Variants in WDR43 observed in about 807,000 individuals in gnomAD.
WDR43 encodes the protein WD repeat-containing protein 43.
In WDR43, 13 loss-of-function variants were observed where a neutral mutation model predicts 91.4. That is an observed-to-expected ratio of 0.14 (90% CI 0.09 to 0.23). The LOEUF (loss-of-function observed/expected upper bound fraction) is 0.23. Among genes scored for constraint, WDR43 ranks in the 10% least tolerant of loss-of-function variants. The pLI is 1.00. For synonymous variants in WDR43, 331 were observed against 287.9 expected (o/e 1.15, Z -1.51); for missense variants, 780 against 809.4 (o/e 0.96, Z 0.44).
Position 28,935,504 on chromosome 2 carries a change from C to T in WDR43, c.1438-17C>T, listed in dbSNP as rs772287883. ...TGTCAGTATGCTCATCTTAATAATC[C>T]TTTTATTTTCTCACAGAAAGTACTT... On this transcript the variant is annotated splice_polypyrimidine_tract_variant and intron_variant, in intron 11 of 17. Transcript: ENST00000407426. The T allele has an allele frequency of 6.5e-6, 10 of 1,537,710 alleles. No individual in the cohort carries two copies. In the African/African-American group the frequency reaches 1.1e-4, roughly 17 times the overall value.
intron 10 of WDR43, chr2:28,928,115 C>G (rs6755185): frequency 0.49 from 81,565 of 164,792 alleles, 20,826 homozygotes; most frequent in East Asian, 0.78. Flanking sequence ...TTATAACTGC[C>G]TAAGTGTTTA....
At chr2:28,911,431 C>T (rs1275713918) in intron 3 of WDR43, among the ~76,000 whole-genome samples, 16 of 151,896 alleles carry the variant, frequency 1.1e-4, no homozygotes, top group African/African-American at 3.4e-4. Flanking sequence ...GTAGCTGGGA[C>T]TATAGGCGTC....
chr2:28,898,093 ATGC>A (rs1458201847), intron 1 of WDR43, among the ~76,000 whole-genome samples: 1 of 152,212 alleles, frequency 6.6e-6, no homozygotes, highest in Non-Finnish European at 1.5e-5. Flanking sequence ...CTAGGAACTG[ATGC>A]TGCTATTTGA....
At chr2:28,946,311 T>G in intron 16 of WDR43, 139 bp from the exon 17 acceptor site, 1 of 901,608 alleles carries the variant, frequency 1.1e-6, no homozygotes, top group Non-Finnish European at 1.6e-6. Context: ...AATAAAATAA[T>G]GTTATTTCTT....
At chr2:28,917,701 A>G (rs573008445) in intron 5 of WDR43, among the ~76,000 whole-genome samples, 192 bp from the exon 6 acceptor site, 30 of 152,330 alleles carry the variant, frequency 2.0e-4, no homozygotes, top group Admixed American at 3.3e-4. Flanking sequence ...TCTTTTCTCA[A>G]GCAACCATGT....
intron 14 of WDR43, among the ~76,000 whole-genome samples, chr2:28,939,763 C>T (rs1671399096): frequency 6.6e-6 from 1 of 152,234 alleles, no homozygotes; most frequent in East Asian, 1.9e-4. Flanking sequence ...GAATGAAACA[C>T]TTTTTTACTA....
At chr2:28,925,185 A>G (rs1317278404) in intron 8 of WDR43, 32 bp downstream of exon 8, 6 of 1,570,118 alleles carry the variant, frequency 3.8e-6, no homozygotes, top group African/African-American at 2.7e-5. Flanking sequence ...GTAAAGCAAT[A>G]TAGCATCCCT....
chr2:28,918,429 C>T (rs1233871467), intron 6 of WDR43, among the ~76,000 whole-genome samples: 2 of 151,960 alleles, frequency 1.3e-5, no homozygotes, highest in Non-Finnish European at 2.9e-5. Flanking sequence ...AGTGCAATGG[C>T]ACGGTCGCGA....
At chr2:28,905,666 T>C (rs958281107) in intron 2 of WDR43, among the ~76,000 whole-genome samples, 2 of 77,714 alleles carry the variant, frequency 2.6e-5, no homozygotes, top group African/African-American at 8.3e-5. Flanking sequence ...TCTTCTTCTC[T>C]TTTTTTTTTT....
At chr2:28,941,785 C>T (rs1297492654) in intron 15 of WDR43, among the ~76,000 whole-genome samples, 3 of 151,944 alleles carry the variant, frequency 2.0e-5, no homozygotes, top group Non-Finnish European at 4.4e-5. Flanking sequence ...TTTAAATTTT[C>T]GTAGAGATGG....
intron 1 of WDR43, among the ~76,000 whole-genome samples, chr2:28,896,526 CT>C (rs1265185931): frequency 2.0e-5 from 3 of 152,130 alleles, no homozygotes; most frequent in African/African-American, 7.2e-5. Context: ...AACAGAAACT[CT>C]GGGAAACTAA....
chr2:28,927,459 A>T (rs140999277), intron 9 of WDR43, 110 bp from the exon 10 acceptor site: 11 of 1,251,640 alleles, frequency 8.8e-6, no homozygotes, highest in Non-Finnish European at 1.1e-5. Context: ...AGTTAATTAT[A>T]TTGCATTTTT....
Position 28,925,157 on chromosome 2 carries a change from C to T in WDR43, c.1086+4C>T, listed in dbSNP as rs201932212. ...TCAGCCTACTATTGAGCGAGTGGTACGTAGCTGCTACTCTGGAGTAAAGCA... is the reference window on the plus strand; with the variant it reads ...TCAGCCTACTATTGAGCGAGTGGTATGTAGCTGCTACTCTGGAGTAAAGCA... On this transcript the variant is annotated splice_donor_region_variant and intron_variant, in intron 8 of 17. Coordinates refer to ENST00000407426, the MANE Select transcript of WDR43 (RefSeq NM_015131.3). 2.7e-5 allele frequency: 43 copies of T among 1,606,758 alleles called. No homozygotes were observed. Among genetic ancestry groups the T allele is most frequent in the Middle Eastern group, 1.7e-4 (1 of 6,042 alleles).
At chr2:28,932,892 T>A (rs1671274317) in intron 11 of WDR43, among the ~76,000 whole-genome samples, 1 of 152,206 alleles carries the variant, frequency 6.6e-6, no homozygotes, top group South Asian at 2.1e-4. Context: ...TTTTAACAGT[T>A]CCATTTATAG....
At chr2:28,929,514 T>TA (rs1421851974) in intron 10 of WDR43, 65 bp from the exon 11 acceptor site, 24 of 1,341,978 alleles carry the variant, frequency 1.8e-5, no homozygotes, top group Admixed American at 1.2e-4. Context: ...TATTTTATTT[T>TA]TTTTGTCTCC....
At position 28,914,053 on chromosome 2, in the gene WDR43, A is replaced by T. The variant is rs767808346; in HGVS notation, c.607-16A>T. On this transcript the variant is annotated splice_polypyrimidine_tract_variant and intron_variant, in intron 4 of 17. Transcript: ENST00000407426. Reference sequence around the variant, plus strand: ...CTTTGAATCTGCTCTCCTAACTGAGATTTAACTTTCTCTAGCATTTCACAG... The same window carrying T: ...CTTTGAATCTGCTCTCCTAACTGAGTTTTAACTTTCTCTAGCATTTCACAG... 17 of 1,610,958 alleles carry T rather than the reference A, an allele frequency of 1.1e-5. No homozygotes were observed. Among genetic ancestry groups the T allele is most frequent in the Non-Finnish European group, 1.4e-5 (16 of 1,178,060 alleles).
rs1025249665 is a variant in WDR43, at chr2:28,894,733, T to A, written c.35T>A (p.Leu12Gln). The A allele has an allele frequency of 4.6e-5, 72 of 1,581,524 alleles. No individual in the cohort carries two copies. The highest frequency in any genetic ancestry group is 5.9e-5 in the Non-Finnish European group (69 of 1,164,940). The change falls in exon 1 of 18, where the codon CTG (leucine) becomes CAG (glutamine). Residue 12 changes from leucine to glutamine, a missense_variant. Leu to Gln is a moderately radical substitution (Grantham distance 113, BLOSUM62 -2). Around this residue, in one of 4 missense-constraint regions of WDR43, gnomAD observed 175 missense variants for 113.8 expected, o/e 1.54. Transcript: ENST00000407426. ...AAGGGGSCDPLAPAGVPCAFS... is the reference protein window; with the variant it reads ...AAGGGGSCDPQAPAGVPCAFS... The stretch of plus-strand genomic sequence containing the variant: ...GGCGGCGGCGGTAGCTGCGACCCCC[T>A]GGCCCCTGCTGGGGTCCCTTGCGCC...
At chr2:28,930,199 A>G (rs1384511197) in intron 11 of WDR43, 1 of 444,078 alleles carries the variant, frequency 2.3e-6, no homozygotes, top group Non-Finnish European at 4.7e-6. Context: ...ATGTTGTAAA[A>G]TATGTAGAGG....
intron 1 of WDR43, chr2:28,895,348 C>T (rs1427257146): frequency 6.2e-6 from 1 of 161,288 alleles, no homozygotes; most frequent in Non-Finnish European, 1.3e-5. Flanking sequence ...TTGCACTGGG[C>T]AGTTGGTATG....
Sources: gnomAD v4.1 joint callset for allele counts (sites outside exome capture counted in the v4.1 genomes callset) on GRCh38, gnomAD v4.1.1 for gene constraint, gnomAD v4.1.1 regional missense constraint, MANE v1.5 for transcripts, NCBI Gene and HGNC (gene_info 2026-07-23, HGNC 2026-07-21) for gene names.